The following PIGL variants were observed in gnomAD, a reference collection of about 807,000 sequenced individuals.
PIGL encodes N-acetylglucosaminyl-phosphatidylinositol de-N-acetylase.
In PIGL, 22 loss-of-function variants were observed where a neutral mutation model predicts 31.1. The ratio of observed to expected loss-of-function variants is 0.71; its 90% CI spans 0.51 to 1.01. PIGL has a LOEUF of 1.01. Among genes scored for constraint, PIGL ranks in the 50% least tolerant of loss-of-function variants. PIGL has a pLI of 0.00. For missense variants in PIGL, 302 were observed against 315.9 expected, an observed-to-expected ratio of 0.96 and a Z score of 0.33; for synonymous variants, 131 against 117.4, an observed-to-expected ratio of 1.12 and a Z score of -0.75.
At chr17:16,258,646 G>A (rs2092807345) in intron 2 of PIGL, among the ~76,000 whole-genome samples, 1 of 151,896 alleles carries the variant, frequency 6.6e-6, no homozygotes, top group South Asian at 2.1e-4. Flanking sequence ...TAGGATTACA[G>A]GCATGCACCA....
intron 2 of PIGL, among the ~76,000 whole-genome samples, chr17:16,251,473 A>C (rs1348027890): frequency 1.3e-5 from 2 of 151,642 alleles, no homozygotes; most frequent in Non-Finnish European, 2.9e-5. Flanking sequence ...TTTAATTGAC[A>C]TCGTATAGAA....
chr17:16,320,662 T>C (rs558755406), intron 6 of PIGL, among the ~76,000 whole-genome samples: 3 of 152,266 alleles, frequency 2.0e-5, no homozygotes, highest in African/African-American at 7.2e-5. Flanking sequence ...TGAGATGAAG[T>C]CTTCCTCTGT....
intron 2 of PIGL, among the ~76,000 whole-genome samples, chr17:16,284,809 T>C (rs1007930217): frequency 1.3e-5 from 2 of 152,206 alleles, no homozygotes; most frequent in Non-Finnish European, 2.9e-5. Context: ...TGAGTAATAA[T>C]AATACTCCGG....
intron 2 of PIGL, among the ~76,000 whole-genome samples, chr17:16,282,773 TG>T (rs1378837878): frequency 6.6e-6 from 1 of 152,184 alleles, no homozygotes; most frequent in East Asian, 1.9e-4. Flanking sequence ...GATGTGATGT[TG>T]GCACCTCTCA....
At chr17:16,224,052 TA>T (rs1406756582) in intron 1 of PIGL, among the ~76,000 whole-genome samples, 1 of 151,902 alleles carries the variant, frequency 6.6e-6, no homozygotes, top group African/African-American at 2.4e-5. Context: ...CTGTCTCTAC[TA>T]AAAATACAAA....
At chr17:16,241,303 G>A (rs2092722365) in intron 2 of PIGL, among the ~76,000 whole-genome samples, 1 of 151,556 alleles carries the variant, frequency 6.6e-6, no homozygotes, top group Non-Finnish European at 1.5e-5. Flanking sequence ...AAGTCTTTGG[G>A]GTGGGCTGGG....
At chr17:16,309,022 G>GTTTGGGATCCTGGGA (rs2093037695) in intron 3 of PIGL, among the ~76,000 whole-genome samples, 2 of 152,124 alleles carry the variant, frequency 1.3e-5, no homozygotes, top group African/African-American at 4.8e-5. Flanking sequence ...AACTCCTGGG[G>GTTTGGGATCCTGGGA]TCAAGCGATC....
intron 2 of PIGL, among the ~76,000 whole-genome samples, chr17:16,298,432 A>T (rs2092991492): frequency 6.6e-6 from 1 of 152,168 alleles, no homozygotes; most frequent in Non-Finnish European, 1.5e-5. Context: ...GGGGGCCAAG[A>T]TGAGGCCTTA....
intron 5 of PIGL, chr17:16,317,564 G>T (rs1600864466): frequency 7.4e-7 from 1 of 1,357,740 alleles, no homozygotes; most frequent in Non-Finnish European, 9.5e-7. Flanking sequence ...AGGGTAGAGG[G>T]TAGCCAGCCA....
At chr17:16,314,393 C>A (rs567957165) in intron 4 of PIGL, among the ~76,000 whole-genome samples, 1 of 152,194 alleles carries the variant, frequency 6.6e-6, no homozygotes, top group African/African-American at 2.4e-5. Flanking sequence ...AATGACCTCA[C>A]CAACCATTAA....
intron 2 of PIGL, among the ~76,000 whole-genome samples, chr17:16,263,833 CT>C (rs913026747): frequency 0.037 from 2,851 of 77,000 alleles, 46 homozygotes; most frequent in African/African-American, 0.091. Flanking sequence ...TAAATGTTGA[CT>C]TTTTTTTTTT....
chr17:16,303,718 T>G, intron 3 of PIGL, among the ~76,000 whole-genome samples: 1 of 151,370 alleles, frequency 6.6e-6, no homozygotes, highest in African/African-American at 2.4e-5. Context: ...TTTGTATTTT[T>G]TTTTTTCTTT....
chr17:16,256,739 C>T (rs1261625289), intron 2 of PIGL, among the ~76,000 whole-genome samples: 1 of 151,914 alleles, frequency 6.6e-6, no homozygotes, highest in African/African-American at 2.4e-5. Flanking sequence ...ATCACTCTGT[C>T]ACTGGAGTGC....
At chr17:16,289,025 C>T (rs193146919) in intron 2 of PIGL, among the ~76,000 whole-genome samples, 121 of 149,552 alleles carry the variant, frequency 8.1e-4, no homozygotes, top group Middle Eastern at 3.4e-3. Flanking sequence ...ATTCAAAGGT[C>T]TAGGTGCAAG....
chr17:16,318,163 A>G (rs1471321000), intron 6 of PIGL, among the ~76,000 whole-genome samples: 1 of 152,192 alleles, frequency 6.6e-6, no homozygotes, highest in African/African-American at 2.4e-5. Context: ...ATTGCAGAAA[A>G]TCTTGAAAAA....
intron 2 of PIGL, among the ~76,000 whole-genome samples, chr17:16,248,561 T>C (rs1327392633): frequency 1.3e-5 from 2 of 152,204 alleles, no homozygotes; most frequent in Non-Finnish European, 2.9e-5. Flanking sequence ...TGATTGTTTA[T>C]GTATTCTCTG....
rs375466207 is a variant in PIGL at position 16,223,944 on chromosome 17, T to A, written c.235+6483T>A. Among the ~76,000 whole-genome samples, 8 of 152,096 alleles carry A rather than the reference T, an allele frequency of 5.3e-5. No homozygotes were observed. In the East Asian group the frequency reaches 9.7e-4, roughly 18 times the overall value. ...TATAAAAGCTACACTAGGCCAGAAG[T>A]GTTGGTTCACGCCTGTAATCCCAGC... is the stretch of plus-strand genomic sequence containing the variant. On this transcript the variant is annotated intron_variant, in intron 1 of 6. Transcript: ENST00000225609.
At chr17:16,263,833 C>CTTT (rs913026747) in intron 2 of PIGL, among the ~76,000 whole-genome samples, 55 of 76,964 alleles carry the variant, frequency 7.1e-4, no homozygotes, top group African/African-American at 8.1e-4. Flanking sequence ...TAAATGTTGA[C>CTTT]TTTTTTTTTT....
chr17:16,291,506 CA>C (rs71150287), intron 2 of PIGL, among the ~76,000 whole-genome samples: 56,817 of 99,500 alleles, frequency 0.57, 13,741 homozygotes, highest in Middle Eastern at 0.64. Flanking sequence ...GACTCTGGCT[CA>C]AAAAAAAAAA....
Sources: gnomAD v4.1 joint callset for allele counts (sites outside exome capture counted in the v4.1 genomes callset) on GRCh38, gnomAD v4.1.1 for gene constraint, MANE v1.5 for transcripts, NCBI Gene and HGNC (gene_info 2026-07-23, HGNC 2026-07-21) for gene names.